The following BOD1 variants were observed in gnomAD, a reference collection of about 807,000 sequenced individuals.
BOD1 encodes biorientation of chromosomes in cell division 1.
BOD1 carries 11 observed loss-of-function variants against 15.7 expected under a neutral mutation model. The ratio of observed to expected loss-of-function variants is 0.70; its 90% CI spans 0.44 to 1.16. The LOEUF (loss-of-function observed/expected upper bound fraction) is 1.16. BOD1 is among the 50% of genes most tolerant of loss of function. BOD1 has a pLI of 0.00. For synonymous variants in BOD1, 105 were observed against 103.5 expected (o/e 1.01, Z -0.09); for missense variants, 182 against 244.5 (o/e 0.74, Z 1.70).
At chr5:173,608,945 A>C (rs1370193560) in intron 3 of BOD1, among the ~76,000 whole-genome samples, 4 of 152,254 alleles carry the variant, frequency 2.6e-5, no homozygotes, top group Non-Finnish European at 5.9e-5. Flanking sequence ...TCAGCAAAAT[A>C]AGACTTTCAT....
chr5:173,616,295 C>G lies in BOD1; in HGVS notation c.142G>C (p.Asp48His), dbSNP rs1238416922. 1.9e-6 allele frequency: 3 copies of G among 1,545,582 alleles called. No individual in the cohort carries two copies. Among genetic ancestry groups the G allele is most frequent in the Non-Finnish European group, 2.6e-6 (3 of 1,148,548 alleles). Residue 48 changes from aspartate to histidine, a missense_variant, in exon 1 of 4, where the codon GAC (aspartate) becomes CAC (histidine). Asp to His is a moderately conservative substitution (Grantham distance 81). Coordinates refer to ENST00000311086, the MANE Select transcript of BOD1 (RefSeq NM_138369.3). ...PINPASLPPG[D>H]PQLIALIVEQ... ...ACGATGAGAGCGATGAGCTGCGGGT[C>G]GCCGGGAGGCAGCGAGGCCGGGTTG...
In BOD1 at chr5:173,607,251, T is replaced by C. The variant is rs1352311998; in HGVS notation, c.*1043A>G. Among the ~76,000 whole-genome samples the C allele has an allele frequency of 6.6e-6, 1 of 152,142 alleles. No individual in the cohort carries two copies. Among genetic ancestry groups the C allele is most frequent in the Non-Finnish European group, 1.5e-5 (1 of 68,024 alleles). ...AGAACTTCTTAATCAGAAATATGCA[T>C]TTTCCCTTAAATCCCCAGGTGCTAC... On this transcript the variant is annotated 3_prime_UTR_variant, in exon 4 of 4. Transcript: ENST00000311086.
intron 3 of BOD1, 40 bp from the exon 4 acceptor site, chr5:173,608,332 G>A (rs1276404146): frequency 8.0e-6 from 10 of 1,246,870 alleles, no homozygotes; most frequent in East Asian, 2.3e-5. Flanking sequence ...GTTATTTATT[G>A]ATAACAGACT....
chr5:173,612,265 G>A (rs1196816295), intron 2 of BOD1, among the ~76,000 whole-genome samples: 4 of 152,170 alleles, frequency 2.6e-5, no homozygotes, highest in African/African-American at 4.8e-5. Context: ...AGTTCCACAC[G>A]CACCCTTCAC....
chr5:173,609,460 G>A (rs1755291414), intron 2 of BOD1, 26 bp from the exon 3 acceptor site: 1 of 1,236,544 alleles, frequency 8.1e-7, no homozygotes, highest in South Asian at 1.3e-5. Flanking sequence ...AGATCATTCT[G>A]TTATTTAGTT....
chr5:173,610,794 TGGCCTTTGGAGGTAG>T (rs1755329046), intron 2 of BOD1, among the ~76,000 whole-genome samples: 1 of 152,224 alleles, frequency 6.6e-6, no homozygotes, highest in Non-Finnish European at 1.5e-5. Context: ...CTTAATGTGA[TGGCCTTTGGAGGTAG>T]GGCCTTTGGG....
At chr5:173,609,697 CTAAG>C (rs926507199) in intron 2 of BOD1, 1 of 406,438 alleles carries the variant, frequency 2.5e-6, no homozygotes, top group Non-Finnish European at 4.4e-6. Flanking sequence ...AAAAACAAAA[CTAAG>C]TGAGTTGCTC....
intron 3 of BOD1, 134 bp downstream of exon 3, chr5:173,609,104 T>A (rs1453684632): frequency 4.0e-6 from 4 of 992,508 alleles, no homozygotes; most frequent in Non-Finnish European, 5.9e-6. Context: ...AAGTGACTTA[T>A]AACAGTAGGT....
intron 2 of BOD1, 111 bp from the exon 3 acceptor site, chr5:173,609,545 C>T: frequency 9.0e-7 from 1 of 1,111,594 alleles, no homozygotes; most frequent in South Asian, 1.5e-5. Context: ...AAGCTACAGC[C>T]CTTCTAGGGA....
At chr5:173,611,533 A>G (rs174051) in intron 2 of BOD1, among the ~76,000 whole-genome samples, 63,964 of 141,712 alleles carry the variant, frequency 0.45, 14,592 homozygotes, top group East Asian at 0.79. Context: ...AAAAGCAGGG[A>G]AAAAAAAAAA....
rs1755228632 is a variant in BOD1, at chr5:173,607,409, A to G, written c.*885T>C. The G allele has an allele frequency of 6.6e-6, 1 of 152,220 alleles. No individual in the cohort carries two copies. Among genetic ancestry groups the G allele is most frequent in the Non-Finnish European group, 1.5e-5 (1 of 68,058 alleles). 9.4% of individuals were successfully genotyped at this position (152,220 alleles called of 1,614,324 possible). On this transcript the variant is annotated 3_prime_UTR_variant, in exon 4 of 4. Transcript: ENST00000311086. ...TACACCTACTAGTTTCATAGTTCCAAGTTATATGTACCAATCTTCACTGCC... is the reference window on the plus strand; with the variant it reads ...TACACCTACTAGTTTCATAGTTCCAGGTTATATGTACCAATCTTCACTGCC...
chr5:173,613,490 T>TAA (rs1581245230), intron 1 of BOD1, among the ~76,000 whole-genome samples: 1 of 152,180 alleles, frequency 6.6e-6, no homozygotes, highest in Non-Finnish European at 1.5e-5. Context: ...CATTTGCTTT[T>TAA]AAGTAACTCT....
chr5:173,616,399 A>G lies in BOD1; in HGVS notation c.38T>C (p.Val13Ala). The change falls in exon 1 of 4, where the codon GTG becomes GCG. Residue 13 changes from valine (V) to alanine (A), a missense_variant. Coordinates refer to ENST00000311086, the MANE Select transcript of BOD1 (RefSeq NM_138369.3). ...DGGGGGGTGA[V>A]GGGGTSQASA... ...GGCCTGGCTAGTTCCGCCGCCGCCC[A>G]CCGCGCCAGTTCCCCCGCCGCCGCC... 6.5e-7 allele frequency: 1 copy of G among 1,527,538 alleles called. No homozygotes were observed. The highest frequency in any genetic ancestry group is 8.7e-7 in the Non-Finnish European group (1 of 1,146,996). 94.6% of individuals were successfully genotyped at this position (1,527,538 alleles called of 1,614,324 possible). A position where few individuals can be genotyped will look rare whatever the true frequency, so the allele number is the denominator to read the frequency against.
chr5:173,608,047 T>C lies in BOD1; in HGVS notation c.*247A>G. The C allele has an allele frequency of 1.7e-6, 1 of 574,764 alleles. No individual in the cohort carries two copies. Among genetic ancestry groups the C allele is most frequent in the Non-Finnish European group, 3.1e-6 (1 of 320,668 alleles). The allele number at this position is 574,764 out of a possible 1,614,324, so 35.6% of individuals were successfully genotyped here. A position where few individuals can be genotyped will look rare whatever the true frequency, so the allele number is the denominator to read the frequency against. The stretch of plus-strand genomic sequence containing the variant: ...GGTTGCTGTAGTGTTTCTCTCTCTG[T>C]AGTGTCTACTTGGTGTCATGCCCTT... On this transcript the variant is annotated 3_prime_UTR_variant, in exon 4 of 4. Coordinates refer to ENST00000311086, the MANE Select transcript of BOD1 (RefSeq NM_138369.3).
Position 173,612,581 on chromosome 5 carries a change from T to A in BOD1, c.362+550A>T, listed in dbSNP as rs553434925. Among the ~76,000 whole-genome samples, 11 of 152,280 alleles carry A rather than the reference T, an allele frequency of 7.2e-5. No individual in the cohort carries two copies. The East Asian group carries it at 2.1e-3, about 29-fold the overall frequency. On this transcript the variant is annotated intron_variant, in intron 2 of 3. Transcript: ENST00000311086. ...TCCCATTTCTGTACCCTCCTCCACC[T>A]CCACTTTTGTGCGTCACTCAGATAA...
At position 173,608,189 on chromosome 5, in the gene BOD1, G is replaced by T; in HGVS notation, c.*105C>A. 7.3e-7 allele frequency: 1 copy of T among 1,368,478 alleles called. No homozygotes were observed. The highest frequency in any genetic ancestry group is 1.0e-6 in the Non-Finnish European group (1 of 958,152). The allele number at this position is 1,368,478 out of a possible 1,614,324, so 84.8% of individuals were successfully genotyped here. A position where few individuals can be genotyped will look rare whatever the true frequency, so the allele number is the denominator to read the frequency against. On this transcript the variant is annotated 3_prime_UTR_variant, in exon 4 of 4. Coordinates refer to ENST00000311086, the MANE Select transcript of BOD1 (RefSeq NM_138369.3). ...CCCATGGTCAAGGTTGAAATCTTGA[G>T]ATCAGTGACGACCTTGGCCTATCTT...
Position 173,608,196 on chromosome 5 carries a change from G to T in BOD1, c.*98C>A. 7.0e-7 allele frequency: 1 copy of T among 1,419,476 alleles called. No homozygotes were observed. Among genetic ancestry groups the T allele is most frequent in the South Asian group, 1.2e-5 (1 of 86,444 alleles). The allele number at this position is 1,419,476 out of a possible 1,614,324, so 87.9% of individuals were successfully genotyped here. On this transcript the variant is annotated 3_prime_UTR_variant, in exon 4 of 4. Transcript: ENST00000311086. The stretch of plus-strand genomic sequence containing the variant: ...TCAAGGTTGAAATCTTGAGATCAGT[G>T]ACGACCTTGGCCTATCTTCAGTCTG...
chr5:173,611,941 G>A (rs973151952), intron 2 of BOD1, among the ~76,000 whole-genome samples: 1 of 152,228 alleles, frequency 6.6e-6, no homozygotes, highest in African/African-American at 2.4e-5. Context: ...CTGTGAAACA[G>A]GCTTTTCATG....
At position 173,608,075 on chromosome 5, in the gene BOD1, A is replaced by G. The variant is rs1755248584; in HGVS notation, c.*219T>C. 4.4e-6 allele frequency: 2 copies of G among 459,610 alleles called. No homozygotes were observed. The highest frequency in any genetic ancestry group is 7.8e-6 in the Non-Finnish European group (2 of 254,782). The allele number at this position is 459,610 out of a possible 1,614,324, so 28.5% of individuals were successfully genotyped here. The stretch of plus-strand genomic sequence containing the variant: ...TGTCTACTTGGTGTCATGCCCTTGG[A>G]CAGGCTGGCCAAATGGCAGCACAAT... On this transcript the variant is annotated 3_prime_UTR_variant, in exon 4 of 4. Coordinates refer to ENST00000311086, the MANE Select transcript of BOD1 (RefSeq NM_138369.3).
Sources: allele counts gnomAD v4.1 joint callset (sites outside exome capture counted in the v4.1 genomes callset), GRCh38; gene constraint gnomAD v4.1.1; transcripts MANE v1.5; gene names NCBI Gene and HGNC (gene_info 2026-07-23, HGNC 2026-07-21).